The following GATD1 variants were observed in gnomAD, a reference collection of about 807,000 sequenced individuals.
GATD1 encodes glutamine amidotransferase class 1 domain containing 1.
In GATD1, 23 loss-of-function variants were observed where a neutral mutation model predicts 25.9. The ratio of observed to expected loss-of-function variants is 0.89; its 90% confidence interval spans 0.64 to 1.26. The LOEUF is 1.26. GATD1 is among the 50% of genes most tolerant of loss of function. The pLI, the probability that GATD1 is intolerant of heterozygous loss-of-function variation, is 0.00. For synonymous variants in GATD1, 177 were observed against 134.6 expected (o/e 1.31, Z -2.18); for missense variants, 347 against 312.5 (o/e 1.11, Z -0.83).
chr11:767,483 T>G lies in GATD1; in HGVS notation c.*3414A>C, dbSNP rs891724018. 32 of 1,438,430 alleles carry G rather than the reference T, an allele frequency of 2.2e-5. No individual in the cohort carries two copies. The highest frequency in any genetic ancestry group is 2.8e-5 in the Non-Finnish European group (31 of 1,102,142). 89.1% of individuals were successfully genotyped at this position (1,438,430 alleles called of 1,614,324 possible). On this transcript the variant is annotated 3_prime_UTR_variant, in exon 8 of 8. Transcript: ENST00000319863. ...CAGGCAGCTCACGCGGAGACAGGTCTGTGGGGCCCCGCGTCAGAACCCACT... is the reference window on the plus strand; with the variant it reads ...CAGGCAGCTCACGCGGAGACAGGTCGGTGGGGCCCCGCGTCAGAACCCACT...
At chr11:772,838 C>T (rs537224024) in intron 4 of GATD1, among the ~76,000 whole-genome samples, 292 of 152,366 alleles carry the variant, frequency 1.9e-3, no homozygotes, top group African/African-American at 6.7e-3. Context: ...CCCTAGGACG[C>T]TGCCCGGCAG....
chr11:767,386 G>T lies in GATD1; in HGVS notation c.*3511C>A, dbSNP rs1863109814. 1.3e-6 allele frequency: 2 copies of T among 1,535,438 alleles called. No individual in the cohort carries two copies. Among genetic ancestry groups the T allele is most frequent in the Non-Finnish European group, 1.7e-6 (2 of 1,146,498 alleles). The stretch of plus-strand genomic sequence containing the variant: ...CCCAAGCCCTGCCCTGGCAAAGAGA[G>T]AACTGTGCACAGCGGGGAGGCTCTC... On this transcript the variant is annotated 3_prime_UTR_variant, in exon 8 of 8. Coordinates refer to ENST00000319863, the MANE Select transcript of GATD1 (RefSeq NM_182612.4).
chr11:770,948 T>G (rs1181623617), intron 7 of GATD1, 45 bp from the exon 8 acceptor site: 1 of 1,613,444 alleles, frequency 6.2e-7, no homozygotes, highest in Non-Finnish European at 8.5e-7. Flanking sequence ...AAGCACCGGG[T>G]GCAGCTCTGA....
chr11:775,277 C>A (rs868788602), intron 1 of GATD1, 135 bp from the exon 2 acceptor site: 7 of 638,424 alleles, frequency 1.1e-5, no homozygotes, highest in Admixed American at 9.5e-5. Flanking sequence ...CACCCAAGAA[C>A]GACTACTTGA....
intron 4 of GATD1, 88 bp from the exon 5 acceptor site, chr11:772,609 A>C: frequency 1.6e-6 from 2 of 1,261,854 alleles, no homozygotes; most frequent in South Asian, 1.2e-5. Flanking sequence ...TGGCTCCCCC[A>C]GGCTTGTGCC....
At chr11:772,550 T>C (rs773826071) in intron 4 of GATD1, 29 bp from the exon 5 acceptor site, 25 of 1,595,222 alleles carry the variant, frequency 1.6e-5, no homozygotes, top group Non-Finnish European at 2.0e-5. Context: ...GTTGAGGCCC[T>C]GGACCCCGCC....
At chr11:771,163 C>G in intron 6 of GATD1, 59 bp from the exon 7 acceptor site, 1 of 1,547,726 alleles carries the variant, frequency 6.5e-7, no homozygotes, top group Non-Finnish European at 8.7e-7. Context: ...CTGAGAGCCT[C>G]GAACTCCAGG....
At chr11:773,250 C>T (rs1042484172) in intron 4 of GATD1, 17 of 421,864 alleles carry the variant, frequency 4.0e-5, no homozygotes, top group African/African-American at 3.6e-4. Flanking sequence ...AGGAATCAGG[C>T]CGGTGTCCTG....
rs530842762 is a variant in GATD1, at chr11:769,271, C to G, written c.*1626G>C. The G allele has an allele frequency of 1.0e-6, 1 of 985,230 alleles. No individual in the cohort carries two copies. The highest frequency in any genetic ancestry group is 1.7e-5 in the African/African-American group (1 of 57,202). 61.0% of individuals were successfully genotyped at this position (985,230 alleles called of 1,614,324 possible). A position where few individuals can be genotyped will look rare whatever the true frequency, so the allele number is the denominator to read the frequency against. On this transcript the variant is annotated 3_prime_UTR_variant, in exon 8 of 8. Transcript: ENST00000319863. ...CTTCAGGGCGGGGATGTGGCTGCAG[C>G]GCTTCCTTCTTCCACTTTTTTCCAA... is the stretch of plus-strand genomic sequence containing the variant.
At chr11:776,282 C>G (rs1371693720) in intron 1 of GATD1, among the ~76,000 whole-genome samples, 1 of 152,094 alleles carries the variant, frequency 6.6e-6, no homozygotes, top group African/African-American at 2.4e-5. Flanking sequence ...CGCCCAGACT[C>G]TTCATTCTTA....
intron 2 of GATD1, 55 bp from the exon 3 acceptor site, chr11:774,168 C>T: frequency 1.3e-6 from 2 of 1,500,828 alleles, no homozygotes; most frequent in Non-Finnish European, 1.8e-6. Context: ...TCCCTGTCGG[C>T]TCAGAGGGAG....
chr11:774,697 G>A (rs1176161165), intron 2 of GATD1, among the ~76,000 whole-genome samples: 1 of 152,210 alleles, frequency 6.6e-6, no homozygotes, highest in Admixed American at 6.5e-5. Flanking sequence ...GGGCGTGGTG[G>A]CGCATGCCTG....
In GATD1 at chr11:770,133, C is replaced by A; in HGVS notation, c.*764G>T. 1.6e-6 allele frequency: 2 copies of A among 1,244,544 alleles called. No individual in the cohort carries two copies. The highest frequency in any genetic ancestry group is 7.1e-5 in the South Asian group (2 of 28,192). 77.1% of individuals were successfully genotyped at this position (1,244,544 alleles called of 1,614,324 possible). ...GGGGCAGCCCGCTGGAGGGCCACAG[C>A]CCAGGCCAGGTGCCCAGCAGGCTGG... On this transcript the variant is annotated 3_prime_UTR_variant, in exon 8 of 8. Transcript: ENST00000319863.
rs1440490093 is a variant in GATD1 at position 770,601 on chromosome 11, C to G, written c.*296G>C. On this transcript the variant is annotated 3_prime_UTR_variant, in exon 8 of 8. Transcript: ENST00000319863. ...TGACAACCAGTCCTCCCTAGAAAAC[C>G]CAGCCTGGAATTCCCGAGGACCACC... 2 of 1,410,488 alleles carry G rather than the reference C, an allele frequency of 1.4e-6. No homozygotes were observed. The highest frequency in any genetic ancestry group is 1.8e-6 in the Non-Finnish European group (2 of 1,085,410). 87.4% of individuals were successfully genotyped at this position (1,410,488 alleles called of 1,614,324 possible).
intron 5 of GATD1, 64 bp from the exon 6 acceptor site, chr11:771,490 G>A: frequency 6.8e-7 from 1 of 1,471,200 alleles, no homozygotes; most frequent in Non-Finnish European, 9.0e-7. Context: ...CCAGGGGTCA[G>A]GAAGGTCAAG....
chr11:771,458 G>A, intron 5 of GATD1, 32 bp from the exon 6 acceptor site: 5 of 1,504,780 alleles, frequency 3.3e-6, no homozygotes, highest in Non-Finnish European at 3.5e-6. Flanking sequence ...TCCTGAGACA[G>A]GCCCAGGCCC....
At chr11:773,140 G>A (rs1863613786) in intron 4 of GATD1, among the ~76,000 whole-genome samples, 1 of 152,212 alleles carries the variant, frequency 6.6e-6, no homozygotes, top group Non-Finnish European at 1.5e-5. Context: ...GCCCAACCCG[G>A]AGCCGGGGCA....
rs1383648888 is a variant in GATD1 at position 771,440 on chromosome 11, G to A, written c.451-14C>T. The A allele has an allele frequency of 2.0e-6, 3 of 1,518,022 alleles. No individual in the cohort carries two copies. Among genetic ancestry groups the A allele is most frequent in the South Asian group, 2.6e-5 (2 of 75,514 alleles). The allele number at this position is 1,518,022 out of a possible 1,614,324, so 94.0% of individuals were successfully genotyped here. A position where few individuals can be genotyped will look rare whatever the true frequency, so the allele number is the denominator to read the frequency against. On this transcript the variant is annotated splice_polypyrimidine_tract_variant and intron_variant, in intron 5 of 7. Transcript: ENST00000319863. ...ACACACAGAGGGCTGCGGGAGCGGG[G>A]TGGGGGCTCCTGAGACAGGCCCAGG...
Position 770,859 on chromosome 11 carries a change from A to C in GATD1, c.*38T>G, listed in dbSNP as rs780032284. ...CTGAGACGGGGCTGCCTCTGGAGAC[A>C]CCTGGGCTGTCTCAGGGGGTGCATC... On this transcript the variant is annotated 3_prime_UTR_variant, in exon 8 of 8. Transcript: ENST00000319863. 12 of 1,583,608 alleles carry C rather than the reference A, an allele frequency of 7.6e-6. No individual in the cohort carries two copies. Among genetic ancestry groups the C allele is most frequent in the Non-Finnish European group, 1.0e-5 (12 of 1,162,560 alleles).
Sources: allele counts gnomAD v4.1 joint callset (sites outside exome capture counted in the v4.1 genomes callset), GRCh38; gene constraint gnomAD v4.1.1; transcripts MANE v1.5; gene names NCBI Gene and HGNC (gene_info 2026-07-23, HGNC 2026-07-21).